Variants in CAP2 observed in about 807,000 individuals in gnomAD.
CAP2 encodes the protein adenylyl cyclase-associated protein 2.
Under a neutral mutation model 57.7 loss-of-function variants are expected in CAP2, and 24 were observed. The observed-to-expected ratio is 0.42, with a 90% CI of 0.30 to 0.58. CAP2 has a LOEUF of 0.58. CAP2 is among the 20% of genes least tolerant of loss of function. The probability of loss-of-function intolerance (pLI) is 0.22; values close to 1 mark genes in which losing one functional copy is unlikely to be tolerated. For missense variants in CAP2, 501 were observed against 590.3 expected (o/e 0.85, Z 1.57); for synonymous variants, 194 against 207.2 (o/e 0.94, Z 0.55).
intron 4 of CAP2, among the ~76,000 whole-genome samples, chr6:17,466,204 T>A (rs1204383955): frequency 6.6e-6 from 1 of 152,226 alleles, no homozygotes; most frequent in Non-Finnish European, 1.5e-5. Flanking sequence ...TAACCATTTG[T>A]GTCTTACTGT....
intron 7 of CAP2, among the ~76,000 whole-genome samples, chr6:17,519,497 C>T (rs945014047): frequency 1.3e-5 from 2 of 152,174 alleles, no homozygotes; most frequent in Non-Finnish European, 2.9e-5. Context: ...AAAGACCCCA[C>T]ACCAGAAACT....
Position 17,557,206 on chromosome 6 carries a change from C to T in CAP2, c.*764C>T, listed in dbSNP as rs1763334901. ...CTATGTAATACCTCGCAACTTTGCTCTAAAATCAAGCTCAGTTATTATTTT... is the reference window on the plus strand; with the variant it reads ...CTATGTAATACCTCGCAACTTTGCTTTAAAATCAAGCTCAGTTATTATTTT... On this transcript the variant is annotated 3_prime_UTR_variant, in exon 13 of 13. Coordinates refer to ENST00000229922, the MANE Select transcript of CAP2 (RefSeq NM_006366.3). 6.6e-6 allele frequency: 1 copy of T among 152,140 alleles called. No individual in the cohort carries two copies. The highest frequency in any genetic ancestry group is 1.5e-5 in the Non-Finnish European group (1 of 68,026). 9.4% of individuals were successfully genotyped at this position (152,140 alleles called of 1,614,324 possible).
rs548956265 is a variant in CAP2, at chr6:17,511,867, A to G, written c.531-1982A>G. On this transcript the variant is annotated intron_variant, in intron 6 of 12. Coordinates refer to ENST00000229922, the MANE Select transcript of CAP2 (RefSeq NM_006366.3). ...ATTCCCCTACCATAGCTTCTTCCAG[A>G]GTATATGAAAACTGAAGATAGGTTT... 4.9e-4 allele frequency among the ~76,000 whole-genome samples: 74 copies of G among 152,290 alleles called. 2 individuals are homozygous for G. The South Asian group carries it at 0.015, about 32-fold the overall frequency.
At chr6:17,555,830 G>T (rs2113716201) in intron 12 of CAP2, among the ~76,000 whole-genome samples, 1 of 152,278 alleles carries the variant, frequency 6.6e-6, no homozygotes, top group Middle Eastern at 3.4e-3. Context: ...GCCTCCCAAA[G>T]TTCTGAGATT....
chr6:17,400,972 A>G (rs768165005), intron 1 of CAP2, among the ~76,000 whole-genome samples: 20 of 152,172 alleles, frequency 1.3e-4, no homozygotes, highest in Non-Finnish European at 2.6e-4. Context: ...AGATGATCAG[A>G]TTTTTCAGAA....
chr6:17,446,833 T>A (rs1760270373), intron 3 of CAP2, among the ~76,000 whole-genome samples: 1 of 152,210 alleles, frequency 6.6e-6, no homozygotes, highest in African/African-American at 2.4e-5. Flanking sequence ...CATCAGCTGG[T>A]GTGACCAATC....
chr6:17,441,455 T>A (rs1760070649), intron 3 of CAP2, among the ~76,000 whole-genome samples: 1 of 151,588 alleles, frequency 6.6e-6, no homozygotes, highest in Non-Finnish European at 1.5e-5. Flanking sequence ...ATAGGCTTAT[T>A]TCAGATCCTC....
chr6:17,491,951 C>T (rs1278286914), intron 4 of CAP2, among the ~76,000 whole-genome samples: 1 of 152,238 alleles, frequency 6.6e-6, no homozygotes, highest in African/African-American at 2.4e-5. Context: ...GGCTTCCTCG[C>T]ATGACCTGCT....
At chr6:17,405,424 G>A (rs549640026) in intron 1 of CAP2, among the ~76,000 whole-genome samples, 2 of 152,150 alleles carry the variant, frequency 1.3e-5, no homozygotes, top group East Asian at 3.9e-4. Context: ...CATAGTAAGA[G>A]ATTAACAATA....
chr6:17,527,209 C>T (rs995978656), intron 7 of CAP2, among the ~76,000 whole-genome samples: 6 of 151,906 alleles, frequency 3.9e-5, no homozygotes, highest in African/African-American at 1.5e-4. Context: ...AGAAAAAAAC[C>T]TGAATTTAGT....
intron 2 of CAP2, among the ~76,000 whole-genome samples, chr6:17,425,497 A>T (rs956260527): frequency 6.6e-6 from 1 of 152,054 alleles, no homozygotes; most frequent in South Asian, 2.1e-4. Context: ...TTACCTTCTG[A>T]TTGTCCTGGG....
intron 11 of CAP2, among the ~76,000 whole-genome samples, chr6:17,550,129 G>T (rs889531515): frequency 6.6e-6 from 1 of 152,100 alleles, no homozygotes; most frequent in African/African-American, 2.4e-5. Flanking sequence ...AGCACTTTGG[G>T]AGGCCAAGGC....
chr6:17,474,977 A>G (rs1238590365), intron 4 of CAP2, among the ~76,000 whole-genome samples: 1 of 152,106 alleles, frequency 6.6e-6, no homozygotes, highest in Non-Finnish European at 1.5e-5. Context: ...CGGGCGGATC[A>G]CAAGGTCAGG....
intron 1 of CAP2, among the ~76,000 whole-genome samples, chr6:17,401,622 A>C (rs1758818515): frequency 6.6e-6 from 1 of 152,256 alleles, no homozygotes. Flanking sequence ...GACATGAGGT[A>C]GGCTAAATGC....
intron 7 of CAP2, among the ~76,000 whole-genome samples, chr6:17,522,146 A>C (rs543572548): frequency 6.6e-6 from 1 of 152,000 alleles, no homozygotes; most frequent in Non-Finnish European, 1.5e-5. Flanking sequence ...AAGAAATCTC[A>C]GGCTCTCAGG....
At chr6:17,400,531 TC>T (rs1424521112) in intron 1 of CAP2, among the ~76,000 whole-genome samples, 2 of 152,154 alleles carry the variant, frequency 1.3e-5, no homozygotes, top group Non-Finnish European at 2.9e-5. Context: ...TGTCATCATT[TC>T]CTACTTTGTT....
intron 7 of CAP2, among the ~76,000 whole-genome samples, chr6:17,537,612 T>A (rs903427869): frequency 2.0e-5 from 3 of 152,240 alleles, no homozygotes; most frequent in Admixed American, 2.0e-4. Flanking sequence ...CTGTTTTCAT[T>A]AATATTTGGC....
At chr6:17,491,890 C>A (rs1274514139) in intron 4 of CAP2, among the ~76,000 whole-genome samples, 6 of 152,226 alleles carry the variant, frequency 3.9e-5, no homozygotes, top group Admixed American at 3.9e-4. Context: ...TCCCTCCCCG[C>A]AAACTGATCT....
chr6:17,398,215 C>T (rs1758719274), intron 1 of CAP2, among the ~76,000 whole-genome samples: 1 of 152,198 alleles, frequency 6.6e-6, no homozygotes, highest in Non-Finnish European at 1.5e-5. Context: ...TTTATTATTA[C>T]ATCAAAGGAA....
Sources: gnomAD v4.1 joint callset for allele counts (sites outside exome capture counted in the v4.1 genomes callset) on GRCh38, gnomAD v4.1.1 for gene constraint, MANE v1.5 for transcripts, NCBI Gene and HGNC (gene_info 2026-07-23, HGNC 2026-07-21) for gene names.